The following BCL2 variants were observed in gnomAD, a reference collection of about 807,000 sequenced individuals.
BCL2 encodes BCL2 apoptosis regulator, also known as apoptosis regulator Bcl-2.
Under a neutral mutation model 14.2 loss-of-function variants are expected in BCL2, and 1 was observed. That is an observed-to-expected ratio of 0.07 (90% CI 0.02 to 0.33). The LOEUF (loss-of-function observed/expected upper bound fraction) is 0.33. Ranked by LOEUF, BCL2 falls within the 10% of genes least tolerant of loss-of-function variation. The pLI, the probability that BCL2 is intolerant of heterozygous loss-of-function variation, is 0.99. For synonymous variants in BCL2, 151 were observed against 137.2 expected, an observed-to-expected ratio of 1.10 and a Z score of -0.70; for missense variants, 247 against 305.9, an observed-to-expected ratio of 0.81 and a Z score of 1.44.
rs541338531 is a variant in BCL2, at chr18:63,193,410, CA to C, written c.586-64652del. 5.9e-3 allele frequency among the ~76,000 whole-genome samples: 903 copies of C among 152,142 alleles called. 4 individuals carry two copies. The highest frequency in any genetic ancestry group is 9.9e-3 in the Non-Finnish European group (671 of 68,002). On this transcript the variant is annotated intron_variant, in intron 2 of 2. Transcript: ENST00000333681. ...ATTTCTCTCTTCCCCTAGGCCCTGACAACCACCACTGTGTTCTCGGCTTCTG... is the reference window on the plus strand; with the variant it reads ...ATTTCTCTCTTCCCCTAGGCCCTGACACCACCACTGTGTTCTCGGCTTCTG...
At chr18:63,281,658 C>A (rs916832063) in intron 2 of BCL2, among the ~76,000 whole-genome samples, 2 of 126,508 alleles carry the variant, frequency 1.6e-5, no homozygotes, top group African/African-American at 3.2e-5. Flanking sequence ...CAAATTGAGA[C>A]CTTGTCTCAG....
At chr18:63,263,338 G>C (rs765682623) in intron 2 of BCL2, among the ~76,000 whole-genome samples, 16 of 152,186 alleles carry the variant, frequency 1.1e-4, no homozygotes, top group Non-Finnish European at 1.6e-4. Flanking sequence ...CTTCCACTGG[G>C]ATTGTTGCCA....
intron 2 of BCL2, among the ~76,000 whole-genome samples, chr18:63,200,820 G>C (rs1031074123): frequency 6.6e-6 from 1 of 151,986 alleles, no homozygotes; most frequent in Non-Finnish European, 1.5e-5. Flanking sequence ...ATGGGGTCTC[G>C]CTAGGTTGCC....
chr18:63,154,251 T>C (rs1914719780), intron 2 of BCL2, among the ~76,000 whole-genome samples: 1 of 152,138 alleles, frequency 6.6e-6, no homozygotes, highest in African/African-American at 2.4e-5. Context: ...TCTTAGGATG[T>C]CTCCTCTTTC....
chr18:63,299,875 C>T (rs1436993563), intron 2 of BCL2, among the ~76,000 whole-genome samples: 1 of 150,540 alleles, frequency 6.6e-6, no homozygotes, highest in Non-Finnish European at 1.5e-5. Context: ...GGCACCTTCT[C>T]TGTGAAACCA....
At chr18:63,239,596 C>T (rs1004433163) in intron 2 of BCL2, among the ~76,000 whole-genome samples, 2 of 152,054 alleles carry the variant, frequency 1.3e-5, no homozygotes, top group African/African-American at 2.4e-5. Flanking sequence ...AAAAATTAGC[C>T]GGGCATGGCA....
intron 2 of BCL2, among the ~76,000 whole-genome samples, chr18:63,225,480 G>C (rs1910519518): frequency 6.6e-6 from 1 of 152,170 alleles, no homozygotes; most frequent in South Asian, 2.1e-4. Flanking sequence ...TTGAGAATAG[G>C]GACTGGGGTA....
intron 2 of BCL2, among the ~76,000 whole-genome samples, chr18:63,178,899 CAAAAA>C (rs111876869): frequency 1.5e-5 from 2 of 132,920 alleles, no homozygotes; most frequent in Non-Finnish European, 3.2e-5. Flanking sequence ...GGGTTCAAGG[CAAAAA>C]AAAAAAAAAA....
intron 2 of BCL2, among the ~76,000 whole-genome samples, chr18:63,300,058 G>A (rs1182213220): frequency 6.6e-6 from 1 of 152,180 alleles, no homozygotes; most frequent in Non-Finnish European, 1.5e-5. Flanking sequence ...GTTTCAAAAT[G>A]AAGTCAGGAG....
intron 2 of BCL2, among the ~76,000 whole-genome samples, chr18:63,130,879 C>T (rs926420583): frequency 6.6e-6 from 1 of 152,196 alleles, no homozygotes; most frequent in African/African-American, 2.4e-5. Flanking sequence ...GAGCCATCCT[C>T]ACATTCTCAT....
intron 2 of BCL2, among the ~76,000 whole-genome samples, chr18:63,185,111 C>T (rs1206023916): frequency 1.3e-5 from 2 of 152,196 alleles, no homozygotes; most frequent in Admixed American, 1.3e-4. Flanking sequence ...CTTGCTCTCA[C>T]AGAACACAGG....
At chr18:63,303,736 C>T (rs886639801) in intron 2 of BCL2, among the ~76,000 whole-genome samples, 2 of 152,156 alleles carry the variant, frequency 1.3e-5, no homozygotes, top group African/African-American at 4.8e-5. Flanking sequence ...AATCCAGGGT[C>T]TGGCACATAT....
At chr18:63,154,044 T>A (rs185542750) in intron 2 of BCL2, among the ~76,000 whole-genome samples, 47 of 152,266 alleles carry the variant, frequency 3.1e-4, no homozygotes, top group Admixed American at 1.3e-3. Flanking sequence ...GATCTGCATA[T>A]CCATCAGGTA....
In BCL2 at chr18:63,318,565, A is replaced by T; in HGVS notation, c.102T>A (p.Asp34Glu). ...SQRGYEWDAGDVGAAPPGAAP... is the reference protein window; with the variant it reads ...SQRGYEWDAGEVGAAPPGAAP... ...CGGCCCCCGGGGGCGCGGCGCCCACATCTCCCGCATCCCACTCGTAGCCCC... is the reference window on the plus strand; with the variant it reads ...CGGCCCCCGGGGGCGCGGCGCCCACTTCTCCCGCATCCCACTCGTAGCCCC... Residue 34 changes from aspartate (D) to glutamate (E), a missense_variant, in exon 2 of 3, where the codon GAT becomes GAA. Asp to Glu is a conservative substitution (Grantham distance 45). This residue lies in a region of BCL2 where 144 missense variants were observed against 135.3 expected (regional missense o/e 1.06). Coordinates refer to ENST00000333681, the MANE Select transcript of BCL2 (RefSeq NM_000633.3). The surrounding 1 kb of genome is among the most constrained non-coding windows in gnomAD (Gnocchi z 7.4). 1 of 1,595,188 alleles carries T rather than the reference A, an allele frequency of 6.3e-7. No homozygotes were observed. Among genetic ancestry groups the T allele is most frequent in the Non-Finnish European group, 8.5e-7 (1 of 1,172,472 alleles).
intron 2 of BCL2, among the ~76,000 whole-genome samples, chr18:63,254,550 G>A (rs1911414231): frequency 6.6e-6 from 1 of 151,108 alleles, no homozygotes; most frequent in South Asian, 2.1e-4. Context: ...GCAAGACCCT[G>A]CCTTAAAAAA....
intron 2 of BCL2, among the ~76,000 whole-genome samples, chr18:63,218,665 T>A (rs368122860): frequency 0.017 from 3 of 180 alleles, no homozygotes; most frequent in African/African-American, 0.023. Flanking sequence ...ATCCCCATCC[T>A]CCAGTCATCC....
intron 2 of BCL2, among the ~76,000 whole-genome samples, chr18:63,312,255 C>A (rs999027357): frequency 7.2e-5 from 11 of 152,288 alleles, no homozygotes; most frequent in African/African-American, 2.4e-4. Context: ...AGGTCCCTCA[C>A]CGGTGGAATG....
intron 2 of BCL2, among the ~76,000 whole-genome samples, chr18:63,231,839 G>A (rs1015163467): frequency 4.0e-5 from 6 of 151,888 alleles, no homozygotes; most frequent in Admixed American, 1.3e-4. Flanking sequence ...ATTTGTAACC[G>A]GTTTTAAAAT....
At chr18:63,304,594 T>C (rs1276822911) in intron 2 of BCL2, among the ~76,000 whole-genome samples, 1 of 152,234 alleles carries the variant, frequency 6.6e-6, no homozygotes, top group Non-Finnish European at 1.5e-5. Flanking sequence ...ACATCCTTTT[T>C]AAATTTTTTA....
Sources: allele counts gnomAD v4.1 joint callset (sites outside exome capture counted in the v4.1 genomes callset), GRCh38; gene constraint gnomAD v4.1.1; regional missense constraint gnomAD v4.1.1; non-coding constraint Gnocchi (gnomAD v3.1); transcripts MANE v1.5; gene names NCBI Gene and HGNC (gene_info 2026-07-23, HGNC 2026-07-21).